The following CRYZL1 variants were observed in gnomAD, a reference collection of about 807,000 sequenced individuals.
CRYZL1 encodes the protein ferry endosomal RAB5 effector complex subunit 4.
In CRYZL1, 34 loss-of-function variants were observed where a neutral mutation model predicts 50.6. That is an observed-to-expected ratio of 0.67 (90% confidence interval 0.51 to 0.89). The LOEUF (loss-of-function observed/expected upper bound fraction) is 0.89, where lower values mean the gene tolerates loss of function less well. Among genes scored for constraint, CRYZL1 ranks in the 40% least tolerant of loss-of-function variants. CRYZL1 has a pLI of 0.00. For synonymous variants in CRYZL1, 125 were observed against 134.3 expected (o/e 0.93, Z 0.48); for missense variants, 354 against 402.3 (o/e 0.88, Z 1.03).
intron 7 of CRYZL1, chr21:33,603,006 C>A (rs559268383): frequency 6.1e-6 from 1 of 163,156 alleles, no homozygotes; most frequent in Non-Finnish European, 1.3e-5. Context: ...TAAATTAGGA[C>A]GTGTTGATCT....
chr21:33,599,424 C>G, intron 8 of CRYZL1, 176 bp from the exon 9 acceptor site: 1 of 841,714 alleles, frequency 1.2e-6, no homozygotes, highest in Non-Finnish European at 1.9e-6. Flanking sequence ...TTTTTCTCAT[C>G]TAACCCAATA....
In CRYZL1 at chr21:33,589,789, G is replaced by A. The variant is rs772766101; in HGVS notation, c.*33C>T. ...ATTCTGGCTTCAAATACTGGAATATGTTCATCCGACTGAGGTCTGAGAAAG... is the reference window on the plus strand; with the variant it reads ...ATTCTGGCTTCAAATACTGGAATATATTCATCCGACTGAGGTCTGAGAAAG... On this transcript the variant is annotated 3_prime_UTR_variant, in exon 13 of 13. Transcript: ENST00000381554. 4.7e-5 allele frequency: 63 copies of A among 1,333,268 alleles called. 1 individual carries two copies. In the South Asian group the frequency reaches 6.0e-4, roughly 13 times the overall value. 82.6% of individuals were successfully genotyped at this position (1,333,268 alleles called of 1,614,324 possible). A position where few individuals can be genotyped will look rare whatever the true frequency, so the allele number is the denominator to read the frequency against.
intron 6 of CRYZL1, among the ~76,000 whole-genome samples, chr21:33,608,557 G>A (rs2086837622): frequency 1.3e-5 from 2 of 152,122 alleles, no homozygotes; most frequent in Non-Finnish European, 2.9e-5. Flanking sequence ...AGCCTCTGTA[G>A]CCACCATTCT....
At chr21:33,627,028 T>C (rs2087074085) in intron 2 of CRYZL1, among the ~76,000 whole-genome samples, 1 of 152,168 alleles carries the variant, frequency 6.6e-6, no homozygotes, top group Non-Finnish European at 1.5e-5. Flanking sequence ...ATTGGTGAGT[T>C]TGTGAATTTT....
chr21:33,610,616 C>CTTA (rs1213958033), intron 6 of CRYZL1, among the ~76,000 whole-genome samples: 6 of 151,800 alleles, frequency 4.0e-5, no homozygotes, highest in Admixed American at 1.3e-4. Flanking sequence ...CCGGTCTTAG[C>CTTA]TTAAACTTTA....
chr21:33,596,262 G>T, intron 10 of CRYZL1: 1 of 409,676 alleles, frequency 2.4e-6, no homozygotes, highest in South Asian at 1.8e-5. Context: ...GAATAATTAG[G>T]AAATTGTGAT....
At chr21:33,634,849 C>T (rs1310900840) in intron 1 of CRYZL1, among the ~76,000 whole-genome samples, 2 of 148,006 alleles carry the variant, frequency 1.4e-5, no homozygotes, top group East Asian at 2.0e-4. Context: ...TGTTTGTACC[C>T]CTAGTATCCC....
intron 11 of CRYZL1, 110 bp from the exon 12 acceptor site, chr21:33,591,317 C>T: frequency 1.2e-6 from 1 of 804,800 alleles, no homozygotes; most frequent in Non-Finnish European, 2.2e-6. Flanking sequence ...GTTTTGCACT[C>T]TCAGAGACTC....
At chr21:33,611,592 G>A (rs1008020877) in intron 6 of CRYZL1, among the ~76,000 whole-genome samples, 3 of 152,180 alleles carry the variant, frequency 2.0e-5, no homozygotes, top group Non-Finnish European at 4.4e-5. Flanking sequence ...CAAAAGGTCT[G>A]ATTAGAGATC....
chr21:33,637,393 C>T (rs557144227), intron 1 of CRYZL1, among the ~76,000 whole-genome samples: 1 of 149,240 alleles, frequency 6.7e-6, no homozygotes, highest in Non-Finnish European at 1.5e-5. Context: ...TGCAGTGAGC[C>T]GAGATCGCGC....
At chr21:33,603,331 G>A in intron 7 of CRYZL1, 73 bp downstream of exon 7, 1 of 1,546,636 alleles carries the variant, frequency 6.5e-7, no homozygotes, top group Non-Finnish European at 8.8e-7. Flanking sequence ...ATTAGCAAAT[G>A]GATGGCTCAT....
At chr21:33,606,668 AC>A (rs1382066751) in intron 6 of CRYZL1, among the ~76,000 whole-genome samples, 5 of 151,920 alleles carry the variant, frequency 3.3e-5, no homozygotes, top group African/African-American at 1.2e-4. Flanking sequence ...ATGTCAACAC[AC>A]TTGCTTTTGT....
intron 1 of CRYZL1, among the ~76,000 whole-genome samples, chr21:33,632,577 C>G (rs1164522602): frequency 1.3e-5 from 2 of 151,892 alleles, no homozygotes; most frequent in African/African-American, 4.8e-5. Context: ...GGGGATTCAC[C>G]ACGTTGGCCA....
At chr21:33,618,064 T>C (rs964612905) in intron 4 of CRYZL1, among the ~76,000 whole-genome samples, 79 of 151,542 alleles carry the variant, frequency 5.2e-4, no homozygotes, top group African/African-American at 1.9e-3. Context: ...CCGAGGCGGG[T>C]GGATCACGAG....
At chr21:33,618,360 A>C (rs916060020) in intron 4 of CRYZL1, among the ~76,000 whole-genome samples, 5 of 152,042 alleles carry the variant, frequency 3.3e-5, no homozygotes, top group Non-Finnish European at 7.4e-5. Flanking sequence ...AGCCTCGACT[A>C]TCAGTCAATT....
At chr21:33,641,325 A>G in intron 1 of CRYZL1, 1 of 1,540,160 alleles carries the variant, frequency 6.5e-7, no homozygotes, top group Non-Finnish European at 8.7e-7. Context: ...AGTAACAGAG[A>G]AAGAAAAAGA....
In CRYZL1 at chr21:33,591,212, C is replaced by T; in HGVS notation, c.905-5G>A. ...CCATCACATCCTTTAAGATACGTAG[C>T]TGGAAGGATTGTTAAGGTGGCAATG... On this transcript the variant is annotated splice_polypyrimidine_tract_variant and splice_region_variant and intron_variant, in intron 11 of 12. Transcript: ENST00000381554. The T allele has an allele frequency of 6.2e-7, 1 of 1,609,290 alleles. No homozygotes were observed. The highest frequency in any genetic ancestry group is 1.1e-5 in the South Asian group (1 of 90,970).
chr21:33,617,630 G>A (rs1301357710), intron 4 of CRYZL1, among the ~76,000 whole-genome samples: 3 of 152,096 alleles, frequency 2.0e-5, no homozygotes, highest in Non-Finnish European at 4.4e-5. Context: ...AAGGGGGTCC[G>A]TGTGAGAGGG....
intron 5 of CRYZL1, chr21:33,616,193 C>T (rs911887957): frequency 2.0e-5 from 3 of 151,544 alleles, no homozygotes; most frequent in Non-Finnish European, 4.4e-5. Flanking sequence ...GTTTTTTGTT[C>T]TTGTGAGTTT....
Sources: allele counts gnomAD v4.1 joint callset (sites outside exome capture counted in the v4.1 genomes callset), GRCh38; gene constraint gnomAD v4.1.1; transcripts MANE v1.5; gene names NCBI Gene and HGNC (gene_info 2026-07-23, HGNC 2026-07-21).